PPM1B: variants seen among roughly 807,000 people sequenced by gnomAD.
PPM1B encodes the protein protein phosphatase 1B.
In PPM1B, 22 loss-of-function variants were observed where a neutral mutation model predicts 43.0. The observed-to-expected ratio is 0.51, with a 90% CI of 0.37 to 0.73. PPM1B has a LOEUF of 0.73. PPM1B is among the 30% of genes least tolerant of loss of function. PPM1B has a pLI of 0.00. For missense variants in PPM1B, 632 were observed against 584.2 expected (o/e 1.08, Z -0.84); for synonymous variants, 217 against 197.9 (o/e 1.10, Z -0.81).
At chr2:44,219,836 G>A (rs1416550995) in intron 5 of PPM1B, among the ~76,000 whole-genome samples, 3 of 151,794 alleles carry the variant, frequency 2.0e-5, no homozygotes, top group Non-Finnish European at 4.4e-5. Context: ...CCAGCTACTC[G>A]GGAGGCTGAG....
chr2:44,234,672 A>G (rs1670564083), downstream of PPM1B: 3 of 973,192 alleles, frequency 3.1e-6, no homozygotes, highest in East Asian at 1.1e-4. Context: ...ATTCTCAAGT[A>G]TTTTGGTCTG....
At chr2:44,174,034 ATATAT>A (rs1301881801) in intron 1 of PPM1B, among the ~76,000 whole-genome samples, 5 of 152,230 alleles carry the variant, frequency 3.3e-5, no homozygotes, top group African/African-American at 1.2e-4. Context: ...TTGTTAGTTC[ATATAT>A]TATACATTTG....
intron 3 of PPM1B, among the ~76,000 whole-genome samples, chr2:44,214,885 A>C (rs1342973387): frequency 2.0e-5 from 3 of 152,202 alleles, no homozygotes; most frequent in Non-Finnish European, 2.9e-5. Flanking sequence ...TATGTTTGTT[A>C]AGCACCTATT....
chr2:44,196,845 G>A (rs868054435), intron 1 of PPM1B, among the ~76,000 whole-genome samples: 20 of 152,058 alleles, frequency 1.3e-4, no homozygotes, highest in Non-Finnish European at 2.4e-4. Context: ...TCACTGGATC[G>A]GAATTTCCAA....
intron 3 of PPM1B, 183 bp downstream of exon 3, chr2:44,209,510 A>G (rs932795441): frequency 6.4e-6 from 4 of 625,988 alleles, no homozygotes; most frequent in Non-Finnish European, 5.1e-6. Context: ...GGTCAGGCGC[A>G]GTGGCTCACA....
At chr2:44,181,060 C>G (rs1433689513) in intron 1 of PPM1B, among the ~76,000 whole-genome samples, 1 of 151,978 alleles carries the variant, frequency 6.6e-6, no homozygotes, top group East Asian at 1.9e-4. Context: ...TCGTCCTACC[C>G]CAGCCTCCCA....
At chr2:44,214,698 G>A (rs1669640121) in intron 3 of PPM1B, among the ~76,000 whole-genome samples, 1 of 152,068 alleles carries the variant, frequency 6.6e-6, no homozygotes, top group South Asian at 2.1e-4. Flanking sequence ...AATATCCAGA[G>A]TGGTCCTATA....
chr2:44,196,854 A>G (rs1207840175), intron 1 of PPM1B, among the ~76,000 whole-genome samples: 1 of 152,174 alleles, frequency 6.6e-6, no homozygotes, highest in Non-Finnish European at 1.5e-5. Flanking sequence ...CGGAATTTCC[A>G]ATTATTATAT....
At chr2:44,235,688 G>A (rs1670590014), downstream of PPM1B, among the ~76,000 whole-genome samples, 1 of 151,208 alleles carries the variant, frequency 6.6e-6, no homozygotes, top group African/African-American at 2.4e-5. Flanking sequence ...TTGAGGCCAG[G>A]AGTTCAAGAC....
chr2:44,209,081 A>C (rs1270473330), intron 2 of PPM1B, 129 bp from the exon 3 acceptor site: 44 of 808,876 alleles, frequency 5.4e-5, no homozygotes, highest in Non-Finnish European at 7.7e-5. Context: ...TCATTGGAAT[A>C]AAAATGAATG....
chr2:44,209,319 G>T lies in PPM1B; in HGVS notation c.956G>T (p.Arg319Leu), dbSNP rs74261788. The T allele has an allele frequency of 3.7e-6, 6 of 1,613,882 alleles. No homozygotes were observed. Among genetic ancestry groups the T allele is most frequent in the South Asian group, 2.2e-5 (2 of 91,058 alleles). The stretch of plus-strand genomic sequence containing the variant: ...GAGTTGGATAAGCACTTGGAATCAC[G>T]GGTTGAAGGTAAGACAAATGCTTTT... ...DSELDKHLES[R>L]VEEIMEKSGE... Residue 319 changes from arginine (R) to leucine (L), a missense_variant, in exon 3 of 6, where the codon CGG becomes CTG. Arg to Leu is a moderately radical substitution (Grantham distance 102). This residue lies in a region of PPM1B where 392 missense variants were observed against 302.7 expected (regional missense o/e 1.29). Transcript: ENST00000282412.
At chr2:44,178,317 C>A in intron 1 of PPM1B, among the ~76,000 whole-genome samples, 1 of 151,708 alleles carries the variant, frequency 6.6e-6, no homozygotes, top group Non-Finnish European at 1.5e-5. Flanking sequence ...TATATATATG[C>A]GAGAATTTCT....
downstream of PPM1B, chr2:44,232,509 T>A (rs1413929400): frequency 2.0e-6 from 3 of 1,471,820 alleles, no homozygotes; most frequent in Non-Finnish European, 2.7e-6. Flanking sequence ...CATATTTGTG[T>A]TTTCTGACAG....
At chr2:44,236,274 G>A (rs1262723988), downstream of PPM1B, among the ~76,000 whole-genome samples, 1 of 151,416 alleles carries the variant, frequency 6.6e-6, no homozygotes, top group Non-Finnish European at 1.5e-5. Flanking sequence ...GTGGTGCTGC[G>A]TGCCTGTAGT....
chr2:44,205,650 G>A (rs188845791), intron 2 of PPM1B, among the ~76,000 whole-genome samples: 1 of 152,080 alleles, frequency 6.6e-6, no homozygotes, highest in East Asian at 1.9e-4. Flanking sequence ...AAAAGATCAT[G>A]CTATGTTTGT....
At chr2:44,238,669 T>C (rs1379966497), downstream of PPM1B, among the ~76,000 whole-genome samples, 1 of 151,532 alleles carries the variant, frequency 6.6e-6, no homozygotes, top group Non-Finnish European at 1.5e-5. Flanking sequence ...GCCACTGCAC[T>C]CCAGCCTGGG....
chr2:44,191,474 A>G (rs1668401712), intron 1 of PPM1B, among the ~76,000 whole-genome samples: 1 of 152,300 alleles, frequency 6.6e-6, no homozygotes, highest in African/African-American at 2.4e-5. Flanking sequence ...TCAGCCTCCC[A>G]AAGTGCTGGG....
intron 2 of PPM1B, among the ~76,000 whole-genome samples, chr2:44,205,887 T>C (rs1669168508): frequency 1.3e-5 from 2 of 152,148 alleles, no homozygotes; most frequent in Non-Finnish European, 2.9e-5. Context: ...ACATAGAAAA[T>C]GTAACCCCCT....
At chr2:44,170,335 T>G (rs1222741258) in intron 1 of PPM1B, among the ~76,000 whole-genome samples, 3 of 152,272 alleles carry the variant, frequency 2.0e-5, no homozygotes, top group African/African-American at 7.2e-5. Flanking sequence ...TCCACATGTT[T>G]AATGTATCAA....
Sources: gnomAD v4.1 joint callset for allele counts (sites outside exome capture counted in the v4.1 genomes callset) on GRCh38, gnomAD v4.1.1 for gene constraint, gnomAD v4.1.1 regional missense constraint, MANE v1.5 for transcripts, NCBI Gene and HGNC (gene_info 2026-07-23, HGNC 2026-07-21) for gene names.